The following MYRIP variants were observed in gnomAD, a reference collection of about 807,000 sequenced individuals.
The protein encoded by MYRIP is rab effector MyRIP.
MYRIP carries 49 observed loss-of-function variants against 98.0 expected under a neutral mutation model. The ratio of observed to expected loss-of-function variants is 0.50; its 90% CI spans 0.40 to 0.63. The LOEUF is 0.63. Among genes scored for constraint, MYRIP ranks in the 30% least tolerant of loss-of-function variants. The pLI is 0.00. For synonymous variants in MYRIP, 404 were observed against 409.5 expected (o/e 0.99, Z 0.16); for missense variants, 1,004 against 1,058.2 (o/e 0.95, Z 0.71).
chr3:39,876,308 G>T (rs1942993481), intron 1 of MYRIP, among the ~76,000 whole-genome samples: 1 of 152,182 alleles, frequency 6.6e-6, no homozygotes, highest in Non-Finnish European at 1.5e-5. Flanking sequence ...TTGCCAGTCT[G>T]TGTCTTTTAA....
rs773210409 is a variant in MYRIP at position 40,162,746 on chromosome 3, G to T, written c.486G>T (p.Glu162Asp). 4 of 1,613,964 alleles carry T rather than the reference G, an allele frequency of 2.5e-6. No individual in the cohort carries two copies. In the Admixed American group the frequency reaches 6.7e-5, roughly 27 times the overall value. ...CCCTGCCAGGAGGAAGCCTTTTTGA[G>T]TCAAACCTGGAGAATGAAGGAAGCA... ...CFDILGGSLF[E>D]SNLENEGSIS... The change falls in exon 5 of 17, where the codon GAG becomes GAT. Residue 162 changes from glutamate (E) to aspartate (D), a missense_variant. Physicochemically the swap from Glu to Asp is conservative, Grantham distance 45 (BLOSUM62 2). Around this residue, in one of 3 missense-constraint regions of MYRIP, gnomAD observed 880 missense variants for 907.7 expected, o/e 0.97. Transcript: ENST00000302541.
At chr3:40,065,306 G>A (rs1948103625) in intron 3 of MYRIP, among the ~76,000 whole-genome samples, 1 of 152,166 alleles carries the variant, frequency 6.6e-6, no homozygotes, top group Non-Finnish European at 1.5e-5. Context: ...CCCTACTCCA[G>A]TATGACCTCA....
At chr3:40,227,757 G>A (rs1401577363) in intron 11 of MYRIP, among the ~76,000 whole-genome samples, 1 of 152,214 alleles carries the variant, frequency 6.6e-6, no homozygotes, top group Non-Finnish European at 1.5e-5. Flanking sequence ...CAGCCAGGAA[G>A]TGTGCCTGCA....
chr3:40,113,911 G>T (rs1275660504), intron 3 of MYRIP, among the ~76,000 whole-genome samples: 1 of 151,528 alleles, frequency 6.6e-6, no homozygotes, highest in Non-Finnish European at 1.5e-5. Context: ...GGATGGTCTC[G>T]ATCTCCTGAC....
intron 2 of MYRIP, among the ~76,000 whole-genome samples, chr3:39,992,002 C>G (rs1946191710): frequency 1.3e-5 from 2 of 152,136 alleles, no homozygotes; most frequent in South Asian, 4.1e-4. Flanking sequence ...GGAAAAACCA[C>G]TTCCTCCAGT....
intron 1 of MYRIP, among the ~76,000 whole-genome samples, chr3:39,857,464 C>T (rs538251195): frequency 6.6e-6 from 1 of 152,038 alleles, no homozygotes; most frequent in South Asian, 2.1e-4. Flanking sequence ...ACAAATAATT[C>T]AATAGAGAGC....
intron 2 of MYRIP, among the ~76,000 whole-genome samples, chr3:39,964,339 A>T (rs1945392649): frequency 6.6e-6 from 1 of 152,158 alleles, no homozygotes; most frequent in Non-Finnish European, 1.5e-5. Context: ...CATGAGTTTC[A>T]AACCAAGAGA....
intron 1 of MYRIP, among the ~76,000 whole-genome samples, chr3:39,857,383 C>T (rs1045664449): frequency 6.6e-6 from 1 of 152,044 alleles, no homozygotes; most frequent in African/African-American, 2.4e-5. Context: ...GAAAACAATA[C>T]ATGAACAAAA....
At chr3:40,210,255 T>C (rs1951888242) in intron 11 of MYRIP, among the ~76,000 whole-genome samples, 162 bp downstream of exon 11, 2 of 152,140 alleles carry the variant, frequency 1.3e-5, no homozygotes, top group South Asian at 4.1e-4. Context: ...CTTCTTAACT[T>C]GCACTGGGGG....
intron 1 of MYRIP, among the ~76,000 whole-genome samples, chr3:39,875,132 G>T (rs920944587): frequency 1.3e-5 from 2 of 152,184 alleles, no homozygotes; most frequent in Non-Finnish European, 2.9e-5. Context: ...TTTGTGTAAA[G>T]GTGTTTGTAG....
chr3:40,178,189 C>T (rs1203906205), intron 8 of MYRIP, among the ~76,000 whole-genome samples: 1 of 152,142 alleles, frequency 6.6e-6, no homozygotes, highest in African/African-American at 2.4e-5. Context: ...CCACAGGGAG[C>T]CTGTCCTGTT....
intron 1 of MYRIP, among the ~76,000 whole-genome samples, chr3:39,856,518 T>G (rs1942300160): frequency 6.6e-6 from 1 of 152,112 alleles, no homozygotes; most frequent in Non-Finnish European, 1.5e-5. Flanking sequence ...ACCTGGGGTC[T>G]CACCTGGCCA....
chr3:39,884,778 T>G (rs540967063), intron 1 of MYRIP, among the ~76,000 whole-genome samples: 7 of 151,486 alleles, frequency 4.6e-5, no homozygotes, highest in Non-Finnish European at 1.0e-4. Context: ...AGCCACATAT[T>G]TTTCCATTGT....
chr3:40,166,873 T>C lies in MYRIP; in HGVS notation c.578T>C (p.Val193Ala), dbSNP rs904466879. The change falls in exon 6 of 17, where the codon GTG (valine) becomes GCG (alanine). Residue 193 changes from valine to alanine, a missense_variant. Physicochemically the swap from Val to Ala is moderately conservative, Grantham distance 64. Coordinates refer to ENST00000302541, the MANE Select transcript of MYRIP (RefSeq NM_015460.4). ...CATAGTGTGATGGACACCTTGGCTG[T>C]GGCCCTACGGGTGGCTGAAGAGGCC... is the stretch of plus-strand genomic sequence containing the variant. Reference protein sequence around the residue: ...EGHSVMDTLAVALRVAEEAIE... With the variant: ...EGHSVMDTLAAALRVAEEAIE... The C allele has an allele frequency of 1.1e-5, 17 of 1,613,762 alleles. No homozygotes were observed. The highest frequency in any genetic ancestry group is 1.4e-5 in the Non-Finnish European group (17 of 1,179,776).
chr3:40,056,872 C>G (rs1337938659), intron 3 of MYRIP, among the ~76,000 whole-genome samples: 1 of 152,152 alleles, frequency 6.6e-6, no homozygotes, highest in Admixed American at 6.6e-5. Context: ...GAATTAAATA[C>G]TTGAATTGAA....
chr3:40,105,813 T>C (rs1033794743), intron 3 of MYRIP, among the ~76,000 whole-genome samples: 5 of 151,982 alleles, frequency 3.3e-5, no homozygotes, highest in Admixed American at 2.6e-4. Context: ...TATAAAACCA[T>C]CAGATTTCAT....
At chr3:39,951,169 T>C (rs931167185) in intron 2 of MYRIP, among the ~76,000 whole-genome samples, 2 of 152,184 alleles carry the variant, frequency 1.3e-5, no homozygotes, top group Non-Finnish European at 2.9e-5. Flanking sequence ...CTCACTAATT[T>C]TCAAACTTTG....
chr3:40,127,885 T>A (rs948056661), intron 3 of MYRIP, among the ~76,000 whole-genome samples: 7 of 152,208 alleles, frequency 4.6e-5, no homozygotes, highest in African/African-American at 9.7e-5. Flanking sequence ...TGCTCCCTCA[T>A]CCCTCTGGCC....
intron 2 of MYRIP, among the ~76,000 whole-genome samples, chr3:40,018,781 CATT>C (rs1168382147): frequency 1.3e-5 from 2 of 152,128 alleles, no homozygotes; most frequent in African/African-American, 4.8e-5. Context: ...ATGCTTCTAA[CATT>C]ATGGACAATC....
Sources: gnomAD v4.1 joint callset for allele counts (sites outside exome capture counted in the v4.1 genomes callset) on GRCh38, gnomAD v4.1.1 for gene constraint, gnomAD v4.1.1 regional missense constraint, MANE v1.5 for transcripts, NCBI Gene and HGNC (gene_info 2026-07-23, HGNC 2026-07-21) for gene names.